Variants in TYW1B observed in about 807,000 individuals in gnomAD.
TYW1B encodes S-adenosyl-L-methionine-dependent tRNA 4-demethylwyosine synthase TYW1B.
TYW1B carries 73 observed loss-of-function variants against 86.9 expected under a neutral mutation model. The ratio of observed to expected loss-of-function variants is 0.84; its 90% CI spans 0.70 to 1.02. TYW1B has a LOEUF of 1.02. TYW1B is among the 50% of genes least tolerant of loss of function. The pLI, the probability that TYW1B is intolerant of heterozygous loss-of-function variation, is 0.00. For synonymous variants in TYW1B, 248 were observed against 292.8 expected (o/e 0.85, Z 1.56); for missense variants, 637 against 827.4 (o/e 0.77, Z 2.82).
In TYW1B at chr7:72,828,060, G is replaced by A. The variant is rs1788973448; in HGVS notation, c.4+12C>T. On this transcript the variant is annotated intron_variant, in intron 1 of 13. Transcript: ENST00000620995. ...TGCCGCCCCAGGGTCCTTGCCCGCC[G>A]AGTGCCCTTACCCATCCTCCTCAGA... The A allele has an allele frequency of 5.6e-6, 9 of 1,613,784 alleles. No individual in the cohort carries two copies. Among genetic ancestry groups the A allele is most frequent in the Non-Finnish European group, 7.6e-6 (9 of 1,179,930 alleles).
chr7:72,679,302 T>C (rs1304531160), intron 11 of TYW1B, among the ~76,000 whole-genome samples: 3 of 152,210 alleles, frequency 2.0e-5, no homozygotes, highest in South Asian at 2.1e-4. Flanking sequence ...AAAGAAATTA[T>C]TGCACATGTG....
chr7:72,727,318 A>G (rs1787017867), intron 9 of TYW1B, among the ~76,000 whole-genome samples: 1 of 152,114 alleles, frequency 6.6e-6, no homozygotes, highest in South Asian at 2.1e-4. Flanking sequence ...ACTATTTTTT[A>G]ATGGTTGCAT....
At chr7:72,747,326 C>T (rs181619957) in intron 7 of TYW1B, among the ~76,000 whole-genome samples, 80 of 152,080 alleles carry the variant, frequency 5.3e-4, no homozygotes, top group African/African-American at 1.8e-3. Flanking sequence ...GTAAAAAGTA[C>T]CTTTTGCCTC....
intron 9 of TYW1B, among the ~76,000 whole-genome samples, chr7:72,722,161 G>T (rs1279858417): frequency 2.0e-5 from 3 of 152,150 alleles, no homozygotes; most frequent in African/African-American, 7.2e-5. Flanking sequence ...TTAACAGGTG[G>T]TGTTCTCTTC....
intron 6 of TYW1B, among the ~76,000 whole-genome samples, chr7:72,795,071 C>T (rs1348430361): frequency 2.0e-5 from 3 of 151,938 alleles, no homozygotes; most frequent in Admixed American, 6.6e-5. Context: ...CCATCCATCT[C>T]GGCCTCCCAA....
intron 7 of TYW1B, among the ~76,000 whole-genome samples, chr7:72,749,960 G>T (rs1217506416): frequency 1.8e-5 from 2 of 112,896 alleles, no homozygotes; most frequent in African/African-American, 7.2e-5. Context: ...ACCCATCATA[G>T]CTCACTGTAG....
chr7:72,698,180 G>T (rs1554451828), intron 10 of TYW1B, among the ~76,000 whole-genome samples: 2 of 152,100 alleles, frequency 1.3e-5, no homozygotes, highest in South Asian at 2.1e-4. Context: ...GAGAAGGAGA[G>T]AATTATTTAC....
At chr7:72,716,186 C>G (rs1235854321) in intron 9 of TYW1B, among the ~76,000 whole-genome samples, 3 of 152,196 alleles carry the variant, frequency 2.0e-5, no homozygotes. Flanking sequence ...ATCTGCCCGC[C>G]TCGGCCTCCC....
intron 11 of TYW1B, among the ~76,000 whole-genome samples, chr7:72,675,306 G>A (rs1357265493): frequency 6.6e-6 from 1 of 151,956 alleles, no homozygotes; most frequent in Non-Finnish European, 1.5e-5. Flanking sequence ...GGCTGAGGCA[G>A]GAGAATTGCT....
intron 2 of TYW1B, 53 bp downstream of exon 2, chr7:72,826,802 C>T (rs1788939075): frequency 6.3e-7 from 1 of 1,576,978 alleles, no homozygotes; most frequent in East Asian, 2.3e-5. Context: ...TGTTTAAATC[C>T]TCTATAAAAT....
chr7:72,776,568 A>AG (rs1179377082), intron 7 of TYW1B, among the ~76,000 whole-genome samples: 2 of 150,300 alleles, frequency 1.3e-5, no homozygotes, highest in African/African-American at 4.9e-5. Context: ...AAAAAAAAAA[A>AG]AAAAAAAAAA....
chr7:72,733,001 C>T (rs1387039844), intron 8 of TYW1B, among the ~76,000 whole-genome samples: 3 of 152,088 alleles, frequency 2.0e-5, no homozygotes, highest in East Asian at 3.9e-4. Flanking sequence ...CTAGAGGAAA[C>T]GTAGAAATTC....
chr7:72,590,062 A>G (rs1431502348), intron 13 of TYW1B, among the ~76,000 whole-genome samples: 3 of 152,232 alleles, frequency 2.0e-5, no homozygotes, highest in African/African-American at 7.2e-5. Context: ...GCTGGAGTAG[A>G]AAGCACGAGG....
At chr7:72,824,212 T>C (rs1377427870) in intron 2 of TYW1B, among the ~76,000 whole-genome samples, 1 of 152,138 alleles carries the variant, frequency 6.6e-6, no homozygotes, top group Non-Finnish European at 1.5e-5. Flanking sequence ...AGTAGAACCC[T>C]CTGAAGTAGT....
At chr7:72,749,660 T>C (rs542150668) in intron 7 of TYW1B, among the ~76,000 whole-genome samples, 1 of 152,240 alleles carries the variant, frequency 6.6e-6, no homozygotes, top group Admixed American at 6.5e-5. Flanking sequence ...TTTTGTTTTA[T>C]AGTGATTTTT....
chr7:72,608,097 T>C (rs73372821), intron 13 of TYW1B, among the ~76,000 whole-genome samples: 493 of 134,300 alleles, frequency 3.7e-3, no homozygotes, highest in South Asian at 5.1e-3. Context: ...CCTTCAGGAA[T>C]GGAGAGGAAA....
At chr7:72,815,617 C>T (rs781824767) in intron 2 of TYW1B, 136 bp from the exon 3 acceptor site, 7 of 704,686 alleles carry the variant, frequency 9.9e-6, no homozygotes, top group African/African-American at 3.7e-5. Context: ...CAAATTCTAT[C>T]CGCACTCTTA....
intron 13 of TYW1B, among the ~76,000 whole-genome samples, chr7:72,583,897 T>C (rs1463257522): frequency 6.6e-6 from 1 of 152,194 alleles, no homozygotes; most frequent in Non-Finnish European, 1.5e-5. Context: ...CCTCAGGAAG[T>C]AGAAGGGCCA....
At chr7:72,642,699 G>C (rs1396942352) in intron 11 of TYW1B, among the ~76,000 whole-genome samples, 1 of 152,178 alleles carries the variant, frequency 6.6e-6, no homozygotes, top group Non-Finnish European at 1.5e-5. Flanking sequence ...TCAGCAGTTC[G>C]AGACCAGCCT....
Sources: allele counts gnomAD v4.1 joint callset (sites outside exome capture counted in the v4.1 genomes callset), GRCh38; gene constraint gnomAD v4.1.1; transcripts MANE v1.5; gene names NCBI Gene and HGNC (gene_info 2026-07-23, HGNC 2026-07-21).